Variants in PPIL6 observed in about 807,000 individuals in gnomAD.
The protein encoded by PPIL6 is probable inactive peptidyl-prolyl cis-trans isomerase-like 6.
In PPIL6, 39 loss-of-function variants were observed where a neutral mutation model predicts 36.8. The observed-to-expected ratio is 1.06, with a 90% CI of 0.82 to 1.38. The LOEUF (loss-of-function observed/expected upper bound fraction) is 1.38. PPIL6 is among the 40% of genes most tolerant of loss of function. PPIL6 has a pLI of 0.00. For missense variants in PPIL6, 368 were observed against 379.1 expected, an observed-to-expected ratio of 0.97 and a Z score of 0.24; for synonymous variants, 123 against 134.1, an observed-to-expected ratio of 0.92 and a Z score of 0.57.
intron 6 of PPIL6, among the ~76,000 whole-genome samples, chr6:109,405,594 A>G (rs1184502567): frequency 6.6e-6 from 1 of 152,200 alleles, no homozygotes; most frequent in Non-Finnish European, 1.5e-5. Flanking sequence ...CTTGATGGAT[A>G]TATTAGGGAA....
intron 2 of PPIL6, among the ~76,000 whole-genome samples, chr6:109,435,880 G>A (rs938192462): frequency 1.3e-5 from 2 of 152,054 alleles, no homozygotes; most frequent in African/African-American, 4.8e-5. Flanking sequence ...AGCCAAGATC[G>A]CCCCACTGCA....
intron 6 of PPIL6, among the ~76,000 whole-genome samples, chr6:109,414,797 AAAATCCAC>A (rs1448308283): frequency 1.3e-5 from 2 of 152,162 alleles, no homozygotes; most frequent in Admixed American, 6.5e-5. Flanking sequence ...GGAGCAGTCA[AAAATCCAC>A]ATATAACTTT....
rs1273416813 is a variant in PPIL6 at position 109,400,035 on chromosome 6, C to G, written c.824G>C (p.Gly275Ala). Residue 275 changes from glycine to alanine, a missense_variant and splice_region_variant, in exon 7 of 8, where the codon GGG (glycine) becomes GCG (alanine). Coordinates refer to ENST00000521072, the MANE Select transcript of PPIL6 (RefSeq NM_173672.5). Reference sequence around the variant, plus strand: ...ATAAATAGATCTACAATATACATACCCAAAAGCCACAAATTTTCTATCTAG... The same window carrying G: ...ATAAATAGATCTACAATATACATACGCAAAAGCCACAAATTTTCTATCTAG... ...PYLDRKFVAF[G>A]QLIEGTEVLK... The G allele has an allele frequency of 1.2e-6, 2 of 1,608,762 alleles. No homozygotes were observed. The highest frequency in any genetic ancestry group is 1.7e-6 in the Non-Finnish European group (2 of 1,176,606).
chr6:109,419,668 A>G (rs1334666936), intron 5 of PPIL6, among the ~76,000 whole-genome samples: 1 of 152,018 alleles, frequency 6.6e-6, no homozygotes, highest in African/African-American at 2.4e-5. Context: ...GGTTGCGGTG[A>G]GCCGAGATTG....
intron 6 of PPIL6, among the ~76,000 whole-genome samples, chr6:109,416,011 GT>G (rs1265629142): frequency 2.0e-5 from 3 of 152,110 alleles, no homozygotes; most frequent in Non-Finnish European, 4.4e-5. Context: ...TAGAAAAAGG[GT>G]TCTCATTGTC....
At chr6:109,404,880 C>T (rs533820595) in intron 6 of PPIL6, 3 of 196,064 alleles carry the variant, frequency 1.5e-5, no homozygotes, top group South Asian at 6.2e-5. Context: ...AGTGAAACCC[C>T]GTCTCTACTA....
At chr6:109,402,029 CAG>C (rs1212798472) in intron 6 of PPIL6, among the ~76,000 whole-genome samples, 2 of 152,006 alleles carry the variant, frequency 1.3e-5, no homozygotes, top group African/African-American at 4.8e-5. Flanking sequence ...GGCCCAGATT[CAG>C]AGAGTTTTAA....
At chr6:109,438,963 CATA>C (rs748210173) in intron 1 of PPIL6, among the ~76,000 whole-genome samples, 5 of 152,122 alleles carry the variant, frequency 3.3e-5, no homozygotes, top group Non-Finnish European at 7.3e-5. Flanking sequence ...ATTTCGTGTC[CATA>C]ATATGGTTTT....
chr6:109,412,032 T>C (rs1368199223), intron 6 of PPIL6, among the ~76,000 whole-genome samples: 2 of 152,168 alleles, frequency 1.3e-5, no homozygotes, highest in African/African-American at 4.8e-5. Flanking sequence ...CTAGCTAAAA[T>C]AGGGCCAGGG....
chr6:109,431,748 A>C (rs187365024), intron 2 of PPIL6, among the ~76,000 whole-genome samples: 3 of 152,354 alleles, frequency 2.0e-5, no homozygotes. Context: ...AAACAGCCAT[A>C]AAAAGCCATC....
chr6:109,425,431 C>T (rs1773761807), intron 5 of PPIL6, among the ~76,000 whole-genome samples: 3 of 152,078 alleles, frequency 2.0e-5, no homozygotes, highest in African/African-American at 7.2e-5. Context: ...TAAGCAAAAA[C>T]AAAAATAAAA....
At chr6:109,430,094 C>T (rs1173159566) in intron 3 of PPIL6, among the ~76,000 whole-genome samples, 1 of 152,240 alleles carries the variant, frequency 6.6e-6, no homozygotes, top group Non-Finnish European at 1.5e-5. Context: ...TTCAATCAAA[C>T]ATGCACTGAG....
chr6:109,439,088 T>C (rs1415066305), intron 1 of PPIL6, among the ~76,000 whole-genome samples: 2 of 152,164 alleles, frequency 1.3e-5, no homozygotes, highest in Non-Finnish European at 2.9e-5. Flanking sequence ...ATATTTACTA[T>C]CTGGACTTTA....
At chr6:109,417,361 A>G (rs1773318596) in intron 6 of PPIL6, among the ~76,000 whole-genome samples, 1 of 143,866 alleles carries the variant, frequency 7.0e-6, no homozygotes, top group African/African-American at 2.7e-5. Flanking sequence ...CAGCTTGGGG[A>G]ATACAGTGAG....
chr6:109,426,997 A>G lies in PPIL6; in HGVS notation c.484-3T>C, dbSNP rs368044238. 4.6e-4 allele frequency: 736 copies of G among 1,605,240 alleles called. 6 individuals are homozygous for G. In the South Asian group the frequency reaches 5.5e-3, roughly 12 times the overall value. On this transcript the variant is annotated splice_polypyrimidine_tract_variant and splice_region_variant and intron_variant, in intron 4 of 7. Coordinates refer to ENST00000521072, the MANE Select transcript of PPIL6 (RefSeq NM_173672.5). The stretch of plus-strand genomic sequence containing the variant: ...TTGGGACACACATCACAGTATAGCT[A>G]CAAAATAAAGACAAAAGGTTTCAAA...
chr6:109,417,615 A>AC (rs1177509288), intron 6 of PPIL6, among the ~76,000 whole-genome samples: 1 of 152,228 alleles, frequency 6.6e-6, no homozygotes. Context: ...TCAGAATCAA[A>AC]ATGTAGTCAT....
intron 6 of PPIL6, among the ~76,000 whole-genome samples, chr6:109,405,545 T>G (rs1437479328): frequency 1.3e-5 from 2 of 152,234 alleles, no homozygotes; most frequent in Non-Finnish European, 2.9e-5. Flanking sequence ...CTGTCAGTTC[T>G]GCTATAATAC....
intron 1 of PPIL6, among the ~76,000 whole-genome samples, chr6:109,438,978 C>T (rs948215516): frequency 1.3e-5 from 2 of 152,248 alleles, no homozygotes; most frequent in African/African-American, 4.8e-5. Flanking sequence ...TATGGTTTTA[C>T]TGGAATACTG....
At chr6:109,423,725 AT>A (rs1006709607) in intron 5 of PPIL6, among the ~76,000 whole-genome samples, 5 of 151,968 alleles carry the variant, frequency 3.3e-5, no homozygotes, top group Non-Finnish European at 7.4e-5. Flanking sequence ...GTTGGTATCA[AT>A]TTTTTTTAAT....
Sources: gnomAD v4.1 joint callset for allele counts (sites outside exome capture counted in the v4.1 genomes callset) on GRCh38, gnomAD v4.1.1 for gene constraint, MANE v1.5 for transcripts, NCBI Gene and HGNC (gene_info 2026-07-23, HGNC 2026-07-21) for gene names.